HEMK2: variants seen among roughly 807,000 people sequenced by gnomAD.
The protein encoded by HEMK2 is HemK methyltransferase 2, ETF1 glutamine and histone H4 lysine.
chr21:28,737,733 T>A, the HEMK2 span, among the ~76,000 whole-genome samples: 3 of 152,332 alleles, frequency 2.0e-5, no homozygotes, highest in African/African-American at 7.2e-5. Flanking sequence ...GAACTGTGCC[T>A]TTCTCTACAT....
At chr21:28,593,371 C>T in the HEMK2 span, among the ~76,000 whole-genome samples, 1 of 152,146 alleles carries the variant, frequency 6.6e-6, no homozygotes, top group Non-Finnish European at 1.5e-5. Context: ...TGGTCCCAAG[C>T]ACTTCAGATA....
At chr21:28,835,802 A>C in the HEMK2 span, among the ~76,000 whole-genome samples, 1 of 152,166 alleles carries the variant, frequency 6.6e-6, no homozygotes, top group Non-Finnish European at 1.5e-5. Flanking sequence ...AACAATCAAA[A>C]ATTCAGGAAA....
the HEMK2 span, among the ~76,000 whole-genome samples, chr21:28,818,530 G>A: frequency 6.6e-6 from 1 of 152,268 alleles, no homozygotes; most frequent in East Asian, 1.9e-4. Context: ...GCAATGTCTA[G>A]ACAGAGCCTG....
At chr21:28,706,926 G>GGTAA in the HEMK2 span, among the ~76,000 whole-genome samples, 1 of 151,456 alleles carries the variant, frequency 6.6e-6, no homozygotes, top group Admixed American at 6.6e-5. Flanking sequence ...AATATACTCT[G>GGTAA]GTGAATGAAA....
At chr21:28,856,322 G>A in the HEMK2 span, among the ~76,000 whole-genome samples, 1 of 152,114 alleles carries the variant, frequency 6.6e-6, no homozygotes, top group Non-Finnish European at 1.5e-5. Flanking sequence ...GGCTGAAGCA[G>A]GAGAATTGTT....
chr21:28,785,510 C>T, the HEMK2 span, among the ~76,000 whole-genome samples: 1 of 152,304 alleles, frequency 6.6e-6, no homozygotes, highest in South Asian at 2.1e-4. Flanking sequence ...TGCCATGTAA[C>T]ATTAAGTATA....
At chr21:28,846,845 T>C in the HEMK2 span, among the ~76,000 whole-genome samples, 1 of 152,178 alleles carries the variant, frequency 6.6e-6, no homozygotes. Context: ...TGTCCATGTG[T>C]ACTCAATGTT....
At chr21:28,601,246 C>A in the HEMK2 span, among the ~76,000 whole-genome samples, 2 of 152,202 alleles carry the variant, frequency 1.3e-5, no homozygotes, top group Non-Finnish European at 2.9e-5. Flanking sequence ...TACCATCTCA[C>A]TGGGCGCAAA....
At chr21:28,770,620 T>C in the HEMK2 span, among the ~76,000 whole-genome samples, 1 of 152,128 alleles carries the variant, frequency 6.6e-6, no homozygotes, top group Admixed American at 6.6e-5. Context: ...GTCATTATTG[T>C]GGGAGTGAAT....
the HEMK2 span, among the ~76,000 whole-genome samples, chr21:28,684,202 T>A: frequency 6.6e-6 from 1 of 152,162 alleles, no homozygotes; most frequent in Non-Finnish European, 1.5e-5. Flanking sequence ...ACCGTGCACA[T>A]AATTATTCTC....
chr21:28,632,529 T>C, the HEMK2 span, among the ~76,000 whole-genome samples: 8 of 152,358 alleles, frequency 5.3e-5, no homozygotes, highest in Admixed American at 5.2e-4. Context: ...GATGTTTTCA[T>C]TTTTTCCAAC....
At chr21:28,591,790 G>C in the HEMK2 span, among the ~76,000 whole-genome samples, 1 of 152,096 alleles carries the variant, frequency 6.6e-6, no homozygotes, top group African/African-American at 2.4e-5. Context: ...TTATAAATGA[G>C]GACATGGTGT....
the HEMK2 span, among the ~76,000 whole-genome samples, chr21:28,618,826 C>A: frequency 6.6e-6 from 1 of 152,124 alleles, no homozygotes; most frequent in Admixed American, 6.5e-5. Flanking sequence ...GGAAAATTAA[C>A]ATTCAAGTTT....
chr21:28,578,510 C>A, the HEMK2 span, among the ~76,000 whole-genome samples: 2 of 152,156 alleles, frequency 1.3e-5, no homozygotes, highest in African/African-American at 4.8e-5. Context: ...CCACACAGGG[C>A]CACAGCGGGG....
chr21:28,812,768 G>C, the HEMK2 span, among the ~76,000 whole-genome samples: 1 of 152,112 alleles, frequency 6.6e-6, no homozygotes, highest in East Asian at 1.9e-4. Context: ...CTGGTCCTGA[G>C]CTTTTTTTAG....
the HEMK2 span, among the ~76,000 whole-genome samples, chr21:28,836,946 C>A: frequency 6.6e-6 from 1 of 152,154 alleles, no homozygotes; most frequent in East Asian, 1.9e-4. Flanking sequence ...GGTAAAAGGC[C>A]TTGTCCAACA....
At chr21:28,776,592 C>T in the HEMK2 span, among the ~76,000 whole-genome samples, 2 of 152,132 alleles carry the variant, frequency 1.3e-5, no homozygotes. Flanking sequence ...AAGGTGAAGT[C>T]CCACAATGGG....
At chr21:28,722,640 G>A in the HEMK2 span, among the ~76,000 whole-genome samples, 3 of 152,196 alleles carry the variant, frequency 2.0e-5, no homozygotes, top group African/African-American at 7.2e-5. Flanking sequence ...CCAGCACTCT[G>A]GGAAGCAGAG....
the HEMK2 span, among the ~76,000 whole-genome samples, chr21:28,814,864 G>T: frequency 1.3e-5 from 2 of 152,102 alleles, no homozygotes; most frequent in East Asian, 3.9e-4. Context: ...ATTTGACCCA[G>T]CAATCCCATT....
Sources: allele counts gnomAD v4.1 joint callset (sites outside exome capture counted in the v4.1 genomes callset), GRCh38; gene constraint gnomAD v4.1.1; transcripts MANE v1.5; gene names NCBI Gene and HGNC (gene_info 2026-07-23, HGNC 2026-07-21).